Variants in ACACB observed in about 807,000 individuals in gnomAD.
ACACB encodes the protein acetyl-CoA carboxylase 2.
A neutral mutation model predicts 278.8 loss-of-function variants in ACACB; 209 were observed. The ratio of observed to expected loss-of-function variants is 0.75; its 90% CI spans 0.67 to 0.84. The LOEUF is 0.84. ACACB is among the 40% of genes least tolerant of loss of function. The pLI, the probability that ACACB is intolerant of heterozygous loss-of-function variation, is 0.00. For missense variants in ACACB, 2,850 were observed against 3,269.0 expected, an observed-to-expected ratio of 0.87 and a Z score of 3.13; for synonymous variants, 1,174 against 1,285.6, an observed-to-expected ratio of 0.91 and a Z score of 1.86.
At chr12:109,150,461 G>A (rs2043343162) in intron 2 of ACACB, among the ~76,000 whole-genome samples, 1 of 152,208 alleles carries the variant, frequency 6.6e-6, no homozygotes, top group African/African-American at 2.4e-5. Context: ...AAAGGATAAA[G>A]TCCAAAACAG....
intron 2 of ACACB, among the ~76,000 whole-genome samples, chr12:109,140,778 G>C (rs1231109279): frequency 1.3e-5 from 2 of 151,508 alleles, no homozygotes; most frequent in African/African-American, 2.4e-5. Flanking sequence ...CTTGTGTTTA[G>C]TTATAATTTA....
rs1232893499 is a variant in ACACB at position 109,216,272 on chromosome 12, A to G, written c.3351-346A>G. ...AGTCTTGCTCTGTCGCCCAGGCTGG[A>G]GTGCAGTGGTGCGATCTCGGCTCAC... is the stretch of plus-strand genomic sequence containing the variant. On this transcript the variant is annotated intron_variant, in intron 22 of 52. Transcript: ENST00000338432. Among the ~76,000 whole-genome samples, 7 of 131,046 alleles carry G rather than the reference A, an allele frequency of 5.3e-5. No homozygotes were observed. The East Asian group carries it at 1.6e-3, about 29-fold the overall frequency. 86.0% of individuals were successfully genotyped at this position (131,046 alleles called of 152,430 possible).
intron 1 of ACACB, among the ~76,000 whole-genome samples, chr12:109,133,082 G>A (rs2042871799): frequency 6.6e-6 from 1 of 152,142 alleles, no homozygotes; most frequent in African/African-American, 2.4e-5. Context: ...TGTCCAGCCA[G>A]CCAGGATTTT....
Position 109,246,431 on chromosome 12 carries a change from C to G in ACACB, c.5554C>G (p.Pro1852Ala), listed in dbSNP as rs777152194. 4 of 1,610,896 alleles carry G rather than the reference C, an allele frequency of 2.5e-6. No homozygotes were observed. The highest frequency in any genetic ancestry group is 2.2e-5 in the South Asian group (2 of 91,002). Residue 1852 changes from proline to alanine, a missense_variant, in exon 39 of 53, where the codon CCA (proline) becomes GCA (alanine). Physicochemically the swap from Pro to Ala is conservative, Grantham distance 27. This residue lies in a region of ACACB where 2,265 missense variants were observed against 2,561.3 expected (regional missense o/e 0.88). Coordinates refer to ENST00000338432, the MANE Select transcript of ACACB (RefSeq NM_001093.4). The stretch of plus-strand genomic sequence containing the variant: ...CATGTTCCACGTGGCTTGGGTGGAC[C>G]CAGAAGACCCCCACAAAGTACGTCG... ...KHMFHVAWVDPEDPHKGFKYL... is the reference protein window; with the variant it reads ...KHMFHVAWVDAEDPHKGFKYL...
chr12:109,139,792 T>TA lies in ACACB; in HGVS notation c.388dup (p.Thr130AsnfsTer42). 6.2e-7 allele frequency: 1 copy of TA among 1,614,132 alleles called. No individual in the cohort carries two copies. Among genetic ancestry groups the TA allele is most frequent in the Non-Finnish European group, 8.5e-7 (1 of 1,180,040 alleles). The stretch of plus-strand genomic sequence containing the variant: ...GGACACAAGGTCTGGAGGCCACAGA[T>TA]ACCAATGGCCTGTCCTCCTCAGCCA... On this transcript the variant is annotated frameshift_variant, in exon 2 of 53. Coordinates refer to ENST00000338432, the MANE Select transcript of ACACB (RefSeq NM_001093.4). LOFTEE classifies it high-confidence loss of function.
chr12:109,142,905 G>A (rs2043154500), intron 2 of ACACB, among the ~76,000 whole-genome samples: 1 of 152,114 alleles, frequency 6.6e-6, no homozygotes, highest in African/African-American at 2.4e-5. Context: ...AAACCAAAAT[G>A]TTGAGTGAAT....
rs952851731 is a variant in ACACB, at chr12:109,240,540, AATTAAT to A, written c.4819-529_4819-524del. ...AATAAAATATTAAGATTATTAATCAAATTAATATTAATATCGATATATTAATATTAT... is the reference window on the plus strand; with the variant it reads ...AATAAAATATTAAGATTATTAATCAAATTAATATCGATATATTAATATTAT... On this transcript the variant is annotated intron_variant, in intron 35 of 52. Coordinates refer to ENST00000338432, the MANE Select transcript of ACACB (RefSeq NM_001093.4). 4.9e-4 allele frequency among the ~76,000 whole-genome samples: 73 copies of A among 148,964 alleles called. 1 individual carries two copies. Among genetic ancestry groups the A allele is most frequent in the Admixed American group, 1.8e-3 (27 of 14,870 alleles).
intron 11 of ACACB, among the ~76,000 whole-genome samples, chr12:109,183,059 C>G (rs1282661787): frequency 6.6e-6 from 1 of 152,146 alleles, no homozygotes; most frequent in Non-Finnish European, 1.5e-5. Flanking sequence ...ATTGCATGTT[C>G]TTCGCAAGTC....
intron 41 of ACACB, 21 bp from the exon 42 acceptor site, chr12:109,252,025 G>C: frequency 6.3e-7 from 1 of 1,589,702 alleles, no homozygotes; most frequent in Non-Finnish European, 8.6e-7. Context: ...CCAGAATTCA[G>C]AGGGGGTCCT....
In ACACB at chr12:109,209,354, G is replaced by A. The variant is rs753529268; in HGVS notation, c.3249+1G>A. On this transcript the variant is annotated splice_donor_variant, in intron 21 of 52. Coordinates refer to ENST00000338432, the MANE Select transcript of ACACB (RefSeq NM_001093.4). LOFTEE classifies it high-confidence loss of function. ...GCTGTGCCAGTTCCCCAGCCAGCAGGTGCGTGCTCCCCTGCCCAGCCCCAC... is the reference window on the plus strand; with the variant it reads ...GCTGTGCCAGTTCCCCAGCCAGCAGATGCGTGCTCCCCTGCCCAGCCCCAC... 1.2e-6 allele frequency: 2 copies of A among 1,607,320 alleles called. No individual in the cohort carries two copies. The highest frequency in any genetic ancestry group is 1.3e-5 in the African/African-American group (1 of 74,818).
intron 1 of ACACB, among the ~76,000 whole-genome samples, chr12:109,123,900 G>A (rs1241975987): frequency 6.6e-6 from 1 of 151,254 alleles, no homozygotes; most frequent in Non-Finnish European, 1.5e-5. Flanking sequence ...TGTTGCTCGG[G>A]CTGGTCTTGA....
intron 7 of ACACB, among the ~76,000 whole-genome samples, chr12:109,175,230 TTC>T (rs2044245551): frequency 6.6e-6 from 1 of 152,136 alleles, no homozygotes; most frequent in Non-Finnish European, 1.5e-5. Flanking sequence ...TTGTTTTTTT[TTC>T]CCCCCCCAAA....
At chr12:109,234,145 C>T (rs753845930) in intron 31 of ACACB, 100 bp downstream of exon 31, 158 of 970,464 alleles carry the variant, frequency 1.6e-4, no homozygotes, top group Non-Finnish European at 2.3e-4. Context: ...GTGCTGAGTA[C>T]TTCAGAGCCA....
chr12:109,146,540 C>T (rs992852727), intron 2 of ACACB, among the ~76,000 whole-genome samples: 2 of 152,210 alleles, frequency 1.3e-5, no homozygotes, highest in Non-Finnish European at 2.9e-5. Context: ...ACTGGGTTCC[C>T]TCTGAACTGA....
At chr12:109,263,202 AG>A (rs1156287628) in intron 49 of ACACB, 1 of 151,346 alleles carries the variant, frequency 6.6e-6, no homozygotes, top group Non-Finnish European at 1.5e-5. Context: ...TTTGAGACAG[AG>A]TCTTGCTCTG....
intron 7 of ACACB, 92 bp downstream of exon 7, chr12:109,174,322 T>C (rs1281109841): frequency 7.5e-6 from 7 of 928,430 alleles, no homozygotes; most frequent in Admixed American, 3.5e-5. Context: ...CTTGTAACAA[T>C]TCTTTCCATT....
intron 36 of ACACB, chr12:109,241,699 GTCC>G (rs2136674182): frequency 4.7e-6 from 1 of 211,458 alleles, no homozygotes; most frequent in East Asian, 1.1e-4. Flanking sequence ...CTGTAATGCA[GTCC>G]TCAGATTGGT....
Position 109,223,796 on chromosome 12 carries a change from C to T in ACACB, c.3793-19C>T, listed in dbSNP as rs375670229. 6.2e-7 allele frequency: 1 copy of T among 1,601,108 alleles called. No homozygotes were observed. Among genetic ancestry groups the T allele is most frequent in the East Asian group, 2.2e-5 (1 of 44,836 alleles). On this transcript the variant is annotated intron_variant, in intron 26 of 52. Coordinates refer to ENST00000338432, the MANE Select transcript of ACACB (RefSeq NM_001093.4). ...GTTCACATTTACTTTTCCTTGTTTC[C>T]CCTTTTCATTTCCCTTAGAAATTAA...
chr12:109,199,363 C>A, intron 17 of ACACB, 39 bp from the exon 18 acceptor site: 1 of 1,415,754 alleles, frequency 7.1e-7, no homozygotes, highest in South Asian at 1.7e-5. Context: ...AGTTGGTAGT[C>A]CTCATCAGTC....
Sources: gnomAD v4.1 joint callset for allele counts (sites outside exome capture counted in the v4.1 genomes callset) on GRCh38, gnomAD v4.1.1 for gene constraint, gnomAD v4.1.1 regional missense constraint, MANE v1.5 for transcripts, NCBI Gene and HGNC (gene_info 2026-07-23, HGNC 2026-07-21) for gene names.